HOMER2: variants seen among roughly 807,000 people sequenced by gnomAD.
The protein encoded by HOMER2 is homer protein homolog 2.
Under a neutral mutation model 47.0 loss-of-function variants are expected in HOMER2, and 27 were observed. The ratio of observed to expected loss-of-function variants is 0.57; its 90% CI spans 0.42 to 0.79. The LOEUF is 0.79. Among genes scored for constraint, HOMER2 ranks in the 30% least tolerant of loss-of-function variants. The pLI, the probability that HOMER2 is intolerant of heterozygous loss-of-function variation, is 0.00. For missense variants in HOMER2, 443 were observed against 435.0 expected, an observed-to-expected ratio of 1.02 and a Z score of -0.16; for synonymous variants, 161 against 163.8, an observed-to-expected ratio of 0.98 and a Z score of 0.13.
intron 1 of HOMER2, among the ~76,000 whole-genome samples, chr15:82,906,159 T>TA (rs1285556538): frequency 2.7e-5 from 4 of 150,824 alleles, no homozygotes; most frequent in Non-Finnish European, 2.9e-5. Flanking sequence ...TGGCAGCCAG[T>TA]AAAAAAGCGT....
Position 82,849,580 on chromosome 15 carries a change from G to A in HOMER2, c.*135C>T, listed in dbSNP as rs1236644161. ...CTATTCTGAAAAGGAGTGAGTGGAC[G>A]GCACAACTGGTTTGGAAACACGACA... is the stretch of plus-strand genomic sequence containing the variant. On this transcript the variant is annotated 3_prime_UTR_variant, in exon 9 of 9. Transcript: ENST00000450735. 10 of 695,424 alleles carry A rather than the reference G, an allele frequency of 1.4e-5. No homozygotes were observed. Among genetic ancestry groups the A allele is most frequent in the East Asian group, 2.7e-5 (1 of 36,658 alleles). The allele number at this position is 695,424 out of a possible 1,614,324, so 43.1% of individuals were successfully genotyped here.
intron 2 of HOMER2, among the ~76,000 whole-genome samples, chr15:82,875,767 T>G (rs2151071197): frequency 6.6e-6 from 1 of 152,290 alleles, no homozygotes; most frequent in East Asian, 1.9e-4. Context: ...TGTCCCACAT[T>G]CTTGGAAGAA....
exon 2 of HOMER2, chr15:82,843,752 C>CA (rs1255276327): frequency 6.6e-6 from 1 of 152,040 alleles, no homozygotes; most frequent in African/African-American, 2.4e-5. Context: ...AAAGAGGAAG[C>CA]AGTACACACT....
chr15:82,862,100 C>T (rs750068863), intron 4 of HOMER2, among the ~76,000 whole-genome samples: 4 of 150,556 alleles, frequency 2.7e-5, no homozygotes, highest in Non-Finnish European at 4.4e-5. Context: ...GATGGGGTTT[C>T]GCCATATTCC....
chr15:82,879,897 C>T (rs1241221117), intron 2 of HOMER2, among the ~76,000 whole-genome samples: 6 of 152,066 alleles, frequency 3.9e-5, no homozygotes, highest in Admixed American at 3.9e-4. Context: ...TGCAGTATTT[C>T]CATACAATGA....
chr15:82,877,273 G>C (rs925428237), intron 2 of HOMER2, among the ~76,000 whole-genome samples: 2 of 152,060 alleles, frequency 1.3e-5, no homozygotes, highest in African/African-American at 4.8e-5. Flanking sequence ...AGGTTCAAGC[G>C]ATTCTCCTGC....
At chr15:82,878,986 C>G (rs2052439240) in intron 2 of HOMER2, among the ~76,000 whole-genome samples, 1 of 152,178 alleles carries the variant, frequency 6.6e-6, no homozygotes, top group Non-Finnish European at 1.5e-5. Context: ...CTCTCTGATT[C>G]TATTTGGGTA....
At chr15:82,848,744 AG>A (rs1380759540), downstream of HOMER2, among the ~76,000 whole-genome samples, 1 of 152,170 alleles carries the variant, frequency 6.6e-6, no homozygotes, top group East Asian at 1.9e-4. Context: ...AGGTGATTCG[AG>A]GGTCTGGAGA....
chr15:82,944,164 C>A (rs1405096947), intron 1 of HOMER2, among the ~76,000 whole-genome samples: 1 of 152,068 alleles, frequency 6.6e-6, no homozygotes, highest in African/African-American at 2.4e-5. Context: ...CAGAATGATA[C>A]CATATGACTA....
In HOMER2 at chr15:82,962,697, T is replaced by C. The variant is rs182411703; in HGVS notation, n.83-3389A>G. Among the ~76,000 whole-genome samples, 719 of 151,872 alleles carry C rather than the reference T, an allele frequency of 4.7e-3. 2 individuals are homozygous for C. Among genetic ancestry groups the C allele is most frequent in the Non-Finnish European group, 7.4e-3 (504 of 67,912 alleles). ...GTCTCAAAAAAAAAAGTCCGGGAAG[T>C]GGGGACATGCCTAGTTCACTTTTTG... On this transcript the variant is annotated intron_variant and non_coding_transcript_variant, in intron 1 of 1. Transcript: ENST00000500334.
At chr15:82,862,571 T>G (rs2051829363) in intron 4 of HOMER2, among the ~76,000 whole-genome samples, 1 of 152,156 alleles carries the variant, frequency 6.6e-6, no homozygotes, top group Non-Finnish European at 1.5e-5. Context: ...ATTAGAAACT[T>G]TCTAGACCAT....
At chr15:82,971,415 T>TACACAC (rs147448090) in intron 1 of HOMER2, among the ~76,000 whole-genome samples, 4,145 of 148,386 alleles carry the variant, frequency 0.028, 159 homozygotes, top group African/African-American at 0.092. Context: ...GACAGATACA[T>TACACAC]ACACACACAC....
intron 1 of HOMER2, among the ~76,000 whole-genome samples, chr15:82,907,899 T>C (rs1219315374): frequency 1.3e-5 from 2 of 152,176 alleles, no homozygotes; most frequent in Admixed American, 6.5e-5. Context: ...ATCCATATAA[T>C]AGAGTATTAT....
intron 1 of HOMER2, among the ~76,000 whole-genome samples, chr15:82,896,369 G>A (rs1211000793): frequency 4.6e-5 from 7 of 152,182 alleles, no homozygotes; most frequent in African/African-American, 1.7e-4. Flanking sequence ...CTGTCTGCTC[G>A]GCATGATCCA....
intron 1 of HOMER2, among the ~76,000 whole-genome samples, chr15:82,923,307 G>A (rs2151177846): frequency 6.6e-6 from 1 of 152,078 alleles, no homozygotes; most frequent in East Asian, 1.9e-4. Context: ...CCAACATGGT[G>A]AAACCCCATC....
intron 1 of HOMER2, among the ~76,000 whole-genome samples, chr15:82,970,366 T>C (rs1443583460): frequency 6.6e-6 from 1 of 152,232 alleles, no homozygotes; most frequent in East Asian, 1.9e-4. Flanking sequence ...ACCAGGGCTC[T>C]GAAAAATGGA....
At chr15:82,881,020 G>A (rs2052505309) in intron 2 of HOMER2, among the ~76,000 whole-genome samples, 1 of 152,210 alleles carries the variant, frequency 6.6e-6, no homozygotes, top group South Asian at 2.1e-4. Flanking sequence ...GGAGAGAGGG[G>A]AGAACGGACC....
chr15:82,877,219 G>A (rs1264707322), intron 2 of HOMER2, among the ~76,000 whole-genome samples: 1 of 152,020 alleles, frequency 6.6e-6, no homozygotes, highest in Non-Finnish European at 1.5e-5. Flanking sequence ...ACCCAGGCTG[G>A]AGTACAATGG....
At chr15:82,979,843 G>A (rs1247723966) in intron 1 of HOMER2, among the ~76,000 whole-genome samples, 3 of 152,170 alleles carry the variant, frequency 2.0e-5, no homozygotes, top group African/African-American at 4.8e-5. Flanking sequence ...GCAGATGCCT[G>A]TTGGACATCC....
Sources: gnomAD v4.1 joint callset for allele counts (sites outside exome capture counted in the v4.1 genomes callset) on GRCh38, gnomAD v4.1.1 for gene constraint, MANE v1.5 for transcripts, NCBI Gene and HGNC (gene_info 2026-07-23, HGNC 2026-07-21) for gene names.